DPYD: variants seen among roughly 807,000 people sequenced by gnomAD.
DPYD encodes the protein dihydropyrimidine dehydrogenase [NADP(+)].
A neutral mutation model predicts 116.2 loss-of-function variants in DPYD; 109 were observed. The ratio of observed to expected loss-of-function variants is 0.94; its 90% CI spans 0.80 to 1.10. DPYD has a LOEUF of 1.10. Among genes scored for constraint, DPYD ranks in the 50% least tolerant of loss-of-function variants. The pLI is 0.00. For synonymous variants in DPYD, 440 were observed against 432.0 expected (o/e 1.02, Z -0.23); for missense variants, 1,302 against 1,254.5 (o/e 1.04, Z -0.57).
intron 3 of DPYD, among the ~76,000 whole-genome samples, chr1:97,761,076 A>C (rs1327224279): frequency 6.6e-6 from 1 of 152,122 alleles, no homozygotes; most frequent in Non-Finnish European, 1.5e-5. Flanking sequence ...CAACACAATT[A>C]TCAATGGGAC....
At chr1:97,748,655 G>C (rs1664695646) in intron 3 of DPYD, among the ~76,000 whole-genome samples, 1 of 152,104 alleles carries the variant, frequency 6.6e-6, no homozygotes, top group African/African-American at 2.4e-5. Context: ...TTGGTTCTCA[G>C]TGCGTATCCT....
At chr1:97,684,115 A>C (rs2100929789) in intron 7 of DPYD, among the ~76,000 whole-genome samples, 1 of 152,174 alleles carries the variant, frequency 6.6e-6, no homozygotes. Context: ...TAGTTCTTTT[A>C]GTTGTTATGG....
At chr1:97,521,357 G>A (rs540163239) in intron 12 of DPYD, among the ~76,000 whole-genome samples, 19 of 152,274 alleles carry the variant, frequency 1.2e-4, no homozygotes, top group Non-Finnish European at 2.4e-4. Context: ...AACTTACAAG[G>A]AATGTGAAGG....
intron 20 of DPYD, among the ~76,000 whole-genome samples, chr1:97,163,189 C>T (rs1656059940): frequency 6.6e-6 from 1 of 152,130 alleles, no homozygotes; most frequent in Non-Finnish European, 1.5e-5. Flanking sequence ...TCAGAGTAAA[C>T]AGGCGACCTA....
chr1:97,574,057 A>G, intron 10 of DPYD, 87 bp from the exon 11 acceptor site: 1 of 1,555,556 alleles, frequency 6.4e-7, no homozygotes, highest in Non-Finnish European at 8.7e-7. Flanking sequence ...CACATGCTAA[A>G]GCTTATGATA....
At chr1:97,751,988 A>T (rs558795825) in intron 3 of DPYD, among the ~76,000 whole-genome samples, 22 of 152,026 alleles carry the variant, frequency 1.4e-4, no homozygotes, top group African/African-American at 5.3e-4. Context: ...CGAACTCCTC[A>T]CCTCAGGCAG....
chr1:97,218,670 G>A (rs752287726), intron 19 of DPYD, among the ~76,000 whole-genome samples: 5 of 151,382 alleles, frequency 3.3e-5, no homozygotes, highest in Non-Finnish European at 5.9e-5. Context: ...TACTCCATAA[G>A]CAATAAACTC....
At chr1:97,136,966 G>T (rs1330252763) in intron 20 of DPYD, among the ~76,000 whole-genome samples, 2 of 152,146 alleles carry the variant, frequency 1.3e-5, no homozygotes, top group Admixed American at 1.3e-4. Context: ...ATCAGAAATT[G>T]TTGGCTAACA....
At chr1:97,535,328 T>C (rs1051153381) in intron 12 of DPYD, among the ~76,000 whole-genome samples, 3 of 152,182 alleles carry the variant, frequency 2.0e-5, no homozygotes, top group Admixed American at 6.5e-5. Context: ...TGTTTTATTG[T>C]GCTACATTGC....
rs1049065257 is a variant in DPYD, at chr1:97,230,146, G to T, written c.2442+4706C>A. On this transcript the variant is annotated intron_variant, in intron 19 of 22. Transcript: ENST00000370192. ...CTTAGCAGTCTGAGCTGTACACAAA[G>T]GAATATAAATCATCCCATTATAAAG... 3.3e-5 allele frequency among the ~76,000 whole-genome samples: 5 copies of T among 152,216 alleles called. No individual in the cohort carries two copies. The East Asian group carries it at 9.7e-4, about 29-fold the overall frequency.
At chr1:97,452,079 GC>G (rs1676446147) in intron 13 of DPYD, among the ~76,000 whole-genome samples, 1 of 152,082 alleles carries the variant, frequency 6.6e-6, no homozygotes, top group South Asian at 2.1e-4. Flanking sequence ...GGTGCTTCCT[GC>G]TTATTCAACA....
At chr1:97,087,269 TA>T (rs1185811554) in intron 21 of DPYD, among the ~76,000 whole-genome samples, 2 of 152,292 alleles carry the variant, frequency 1.3e-5, no homozygotes, top group South Asian at 2.1e-4. Context: ...CAAAAGCACT[TA>T]AAAATATAGC....
chr1:97,263,323 A>T lies in DPYD; in HGVS notation c.2300-28329T>A, dbSNP rs116126407. Among the ~76,000 whole-genome samples the T allele has an allele frequency of 7.6e-3, 1,161 of 152,236 alleles. 14 individuals carry two copies. The highest frequency in any genetic ancestry group is 0.027 in the African/African-American group (1,112 of 41,554). On this transcript the variant is annotated intron_variant, in intron 18 of 22. Coordinates refer to ENST00000370192, the MANE Select transcript of DPYD (RefSeq NM_000110.4). The stretch of plus-strand genomic sequence containing the variant: ...CCCAGATAAAATTCTGTCACATGAA[A>T]TCACTATAAAGCTTTTATCTGAGGT...
intron 19 of DPYD, among the ~76,000 whole-genome samples, chr1:97,205,232 TATA>T (rs1277907701): frequency 6.6e-6 from 1 of 152,094 alleles, no homozygotes; most frequent in Non-Finnish European, 1.5e-5. Flanking sequence ...TTGACAAATG[TATA>T]ATGACATGTA....
intron 13 of DPYD, among the ~76,000 whole-genome samples, chr1:97,505,235 C>A (rs1647234084): frequency 6.6e-6 from 1 of 152,000 alleles, no homozygotes; most frequent in South Asian, 2.1e-4. Context: ...TATGTAATTT[C>A]TTTGCTTAAA....
chr1:97,364,799 C>T (rs74105110), intron 16 of DPYD, among the ~76,000 whole-genome samples: 22,950 of 152,002 alleles, frequency 0.15, 1,911 homozygotes, highest in East Asian at 0.29. Flanking sequence ...AGTCTTCAGC[C>T]AATACTCCTA....
At chr1:97,778,155 CAAAAAA>C (rs11434465) in intron 3 of DPYD, among the ~76,000 whole-genome samples, 3 of 11,040 alleles carry the variant, frequency 2.7e-4, no homozygotes, top group African/African-American at 5.1e-4. Context: ...AAGACCCTGT[CAAAAAA>C]AAAAAAAAAA....
At chr1:97,605,196 G>A (rs1377588150) in intron 8 of DPYD, among the ~76,000 whole-genome samples, 4 of 152,030 alleles carry the variant, frequency 2.6e-5, no homozygotes, top group East Asian at 1.9e-4. Context: ...CAGTGTAAGC[G>A]GAAGCAACAG....
chr1:97,651,330 C>G (rs1483653564), intron 8 of DPYD, among the ~76,000 whole-genome samples: 1 of 152,128 alleles, frequency 6.6e-6, no homozygotes, highest in African/African-American at 2.4e-5. Context: ...CAAAAATACC[C>G]TGCTTGTGAC....
Sources: gnomAD v4.1 joint callset for allele counts (sites outside exome capture counted in the v4.1 genomes callset) on GRCh38, gnomAD v4.1.1 for gene constraint, MANE v1.5 for transcripts, NCBI Gene and HGNC (gene_info 2026-07-23, HGNC 2026-07-21) for gene names.